BCKDHB: variants seen among roughly 807,000 people sequenced by gnomAD.
BCKDHB encodes branched chain keto acid dehydrogenase E1 subunit beta.
A neutral mutation model predicts 48.5 loss-of-function variants in BCKDHB; 41 were observed. The observed-to-expected ratio is 0.85, with a 90% CI of 0.66 to 1.10. BCKDHB has a LOEUF of 1.10. Among genes scored for constraint, BCKDHB ranks in the 50% least tolerant of loss-of-function variants. BCKDHB has a pLI of 0.00. For missense variants in BCKDHB, 496 were observed against 494.2 expected (o/e 1.00, Z -0.03); for synonymous variants, 201 against 174.8 (o/e 1.15, Z -1.18).
At chr6:80,307,904 T>G (rs1222590195) in intron 9 of BCKDHB, 3 of 973,174 alleles carry the variant, frequency 3.1e-6, no homozygotes, top group Middle Eastern at 5.3e-4. Context: ...TAAAAATTAT[T>G]CCCAAAAGTA....
intron 1 of BCKDHB, among the ~76,000 whole-genome samples, chr6:80,122,904 C>G (rs1770111465): frequency 6.6e-6 from 1 of 152,040 alleles, no homozygotes; most frequent in Non-Finnish European, 1.5e-5. Context: ...GGGCGTATCT[C>G]AGTCCTTATC....
intron 8 of BCKDHB, among the ~76,000 whole-genome samples, chr6:80,232,997 A>G (rs1218235495): frequency 6.6e-6 from 1 of 152,086 alleles, no homozygotes; most frequent in Non-Finnish European, 1.5e-5. Context: ...TTATATTTTC[A>G]TTTAATGCTT....
At chr6:80,273,794 A>T (rs752542515) in intron 9 of BCKDHB, among the ~76,000 whole-genome samples, 8 of 152,176 alleles carry the variant, frequency 5.3e-5, no homozygotes, top group Non-Finnish European at 7.4e-5. Context: ...AATGCTCATT[A>T]AGATGCCACA....
At chr6:80,413,460 T>C in the BCKDHB span, among the ~76,000 whole-genome samples, 1 of 152,258 alleles carries the variant, frequency 6.6e-6, no homozygotes, top group South Asian at 2.1e-4. Context: ...CACCCTCCAC[T>C]CTTTGATAGG....
intron 9 of BCKDHB, among the ~76,000 whole-genome samples, chr6:80,302,141 C>G (rs1257461859): frequency 6.6e-6 from 1 of 152,044 alleles, no homozygotes; most frequent in African/African-American, 2.4e-5. Flanking sequence ...TACTGGAAGT[C>G]CTGGCCAGAG....
rs188940296 is a variant in BCKDHB, at chr6:80,265,407, A to G, written c.952-7728A>G. The stretch of plus-strand genomic sequence containing the variant: ...AATTTTGACACATGATACAGCATAG[A>G]TGAACCTTGAAAACATTATGCAACG... On this transcript the variant is annotated intron_variant, in intron 8 of 9. Transcript: ENST00000320393. 8.5e-5 allele frequency among the ~76,000 whole-genome samples: 13 copies of G among 152,242 alleles called. No homozygotes were observed. The East Asian group carries it at 2.3e-3, about 27-fold the overall frequency.
intron 6 of BCKDHB, among the ~76,000 whole-genome samples, chr6:80,174,049 C>G (rs1773038433): frequency 6.6e-6 from 1 of 152,128 alleles, no homozygotes; most frequent in Non-Finnish European, 1.5e-5. Context: ...AGCAGCCTGA[C>G]AATTTCTAAG....
the BCKDHB span, among the ~76,000 whole-genome samples, chr6:80,414,610 T>C: frequency 7.2e-5 from 11 of 152,314 alleles, no homozygotes; most frequent in East Asian, 1.5e-3. Context: ...TTCTGTTCTA[T>C]TGGCCTACAT....
At position 80,106,771 on chromosome 6, in the gene BCKDHB, TCCTGGCGCGGG is replaced by T. The variant is rs1057516795; in HGVS notation, c.79_89del (p.Pro27AlafsTer53). On this transcript the variant is annotated frameshift_variant, in exon 1 of 10. Coordinates refer to ENST00000320393, the MANE Select transcript of BCKDHB (RefSeq NM_183050.4). LOFTEE classifies it high-confidence loss of function. ...GGGCTGAGGGGCACTGGCGTCGGCT[TCCTGGCGCGGG>T]GCTGGCGCGGGGCTTTTTGCACCCC... The T allele has an allele frequency of 6.3e-7, 1 of 1,588,422 alleles. No individual in the cohort carries two copies. The highest frequency in any genetic ancestry group is 1.1e-5 in the South Asian group (1 of 87,862).
chr6:80,264,584 G>A (rs1232485521), intron 8 of BCKDHB, among the ~76,000 whole-genome samples: 1 of 152,038 alleles, frequency 6.6e-6, no homozygotes, highest in African/African-American at 2.4e-5. Context: ...AGATTTTTCA[G>A]GAGAGGAGTG....
At chr6:80,390,277 A>G in the BCKDHB span, among the ~76,000 whole-genome samples, 1 of 151,768 alleles carries the variant, frequency 6.6e-6, no homozygotes, top group African/African-American at 2.4e-5. Flanking sequence ...AGGCAGGACT[A>G]CAAATGGCCC....
At chr6:80,387,366 G>GA in the BCKDHB span, among the ~76,000 whole-genome samples, 1 of 31,188 alleles carries the variant, frequency 3.2e-5, no homozygotes, top group Non-Finnish European at 2.1e-4. Flanking sequence ...CCTCTACCTA[G>GA]AAAAAATAGT....
intron 3 of BCKDHB, among the ~76,000 whole-genome samples, chr6:80,149,337 T>G (rs1771644705): frequency 6.6e-6 from 1 of 152,140 alleles, no homozygotes; most frequent in African/African-American, 2.4e-5. Flanking sequence ...CTGGAGAGGA[T>G]GTGGAGAAAT....
At chr6:80,289,806 G>A (rs653141) in intron 9 of BCKDHB, among the ~76,000 whole-genome samples, 121,350 of 152,030 alleles carry the variant, frequency 0.8, 48,617 homozygotes, top group Admixed American at 0.87. Context: ...AAAAGTTTTC[G>A]TGCACTGGGG....
At chr6:80,111,346 C>G (rs1769397663) in intron 1 of BCKDHB, among the ~76,000 whole-genome samples, 1 of 152,210 alleles carries the variant, frequency 6.6e-6, no homozygotes, top group Non-Finnish European at 1.5e-5. Context: ...CAGTCTTCAT[C>G]TAATTTCTCT....
chr6:80,371,179 A>G, the BCKDHB span, among the ~76,000 whole-genome samples: 2 of 152,112 alleles, frequency 1.3e-5, no homozygotes, highest in Admixed American at 1.3e-4. Flanking sequence ...GATTATGGCC[A>G]TTCTTGCAGG....
intron 3 of BCKDHB, among the ~76,000 whole-genome samples, chr6:80,160,174 C>CTT (rs960943081): frequency 2.0e-5 from 3 of 150,106 alleles, no homozygotes; most frequent in African/African-American, 7.4e-5. Context: ...TTTTCGTTTT[C>CTT]TTTTTTTTTT....
At chr6:80,220,395 C>T (rs1241596012) in intron 8 of BCKDHB, among the ~76,000 whole-genome samples, 19 of 29,612 alleles carry the variant, frequency 6.4e-4, no homozygotes, top group East Asian at 1.7e-3. Context: ...ATCTCTGTTT[C>T]TTTAGTAGTG....
chr6:80,335,118 T>C (rs893442007), intron 9 of BCKDHB, among the ~76,000 whole-genome samples: 25 of 151,564 alleles, frequency 1.6e-4, no homozygotes, highest in African/African-American at 5.3e-4. Flanking sequence ...TAAAAGAATA[T>C]GTTTTCTGTT....
Sources: gnomAD v4.1 joint callset for allele counts (sites outside exome capture counted in the v4.1 genomes callset) on GRCh38, gnomAD v4.1.1 for gene constraint, MANE v1.5 for transcripts, NCBI Gene and HGNC (gene_info 2026-07-23, HGNC 2026-07-21) for gene names.